The following TMEM232 variants were observed in gnomAD, a reference collection of about 807,000 sequenced individuals.
TMEM232 encodes the protein transmembrane protein 232.
A neutral mutation model predicts 78.8 loss-of-function variants in TMEM232; 80 were observed. The observed-to-expected ratio is 1.01, with a 90% confidence interval of 0.85 to 1.22. TMEM232 has a LOEUF of 1.22. Ranked by LOEUF, TMEM232 falls within the 50% of genes most tolerant of loss-of-function variation. The pLI is 0.00. For missense variants in TMEM232, 881 were observed against 742.2 expected (o/e 1.19, Z -2.17); for synonymous variants, 297 against 254.3 (o/e 1.17, Z -1.60).
intron 12 of TMEM232, among the ~76,000 whole-genome samples, chr5:110,493,448 CTAAAA>C (rs928584260): frequency 4.7e-5 from 7 of 148,112 alleles, no homozygotes; most frequent in Non-Finnish European, 7.4e-5. Flanking sequence ...AAGTAAATAA[CTAAAA>C]TGACATGATA....
intron 12 of TMEM232, among the ~76,000 whole-genome samples, chr5:110,522,216 C>T (rs1046247710): frequency 2.6e-5 from 4 of 151,988 alleles, no homozygotes; most frequent in African/African-American, 9.7e-5. Context: ...ATTTATCTAT[C>T]GTATAGCTCA....
chr5:110,654,634 C>T (rs1788781650), intron 2 of TMEM232, among the ~76,000 whole-genome samples: 1 of 152,128 alleles, frequency 6.6e-6, no homozygotes, highest in East Asian at 1.9e-4. Flanking sequence ...GATGTGGGCT[C>T]TTTTTTGGTT....
rs538083561 is a variant in TMEM232, at chr5:110,445,950, C to T, written c.1704-21034G>A. Reference sequence around the variant, plus strand: ...GGTATCTCATCACTTCTGCCATATTCTATTCATTAGAAATGAATCACTAAG... The same window carrying T: ...GGTATCTCATCACTTCTGCCATATTTTATTCATTAGAAATGAATCACTAAG... On this transcript the variant is annotated intron_variant, in intron 12 of 13. Transcript: ENST00000455884. Among the ~76,000 whole-genome samples, 114 of 152,232 alleles carry T rather than the reference C, an allele frequency of 7.5e-4. 1 individual carries two copies. The highest frequency in any genetic ancestry group is 2.2e-3 in the African/African-American group (93 of 41,552).
intron 12 of TMEM232, among the ~76,000 whole-genome samples, chr5:110,440,070 GC>G (rs1158950822): frequency 6.6e-6 from 1 of 152,094 alleles, no homozygotes; most frequent in African/African-American, 2.4e-5. Flanking sequence ...AACATAATGT[GC>G]CCCCAGGCAG....
chr5:110,680,396 C>CAAAAAAAAAAAAAAAAAAAAAAAAAAA, intron 1 of TMEM232, among the ~76,000 whole-genome samples: 1 of 24,660 alleles, frequency 4.1e-5, no homozygotes, highest in Non-Finnish European at 8.3e-5. Context: ...GACTCTATCT[C>CAAAAAAAAAAAAAAAAAAAAAAAAAAA]AAAAAAAAAA....
At chr5:110,469,644 G>T (rs762226750) in intron 12 of TMEM232, among the ~76,000 whole-genome samples, 1 of 152,114 alleles carries the variant, frequency 6.6e-6, no homozygotes, top group African/African-American at 2.4e-5. Flanking sequence ...CCCTGTTCCC[G>T]TGTCAGCACT....
downstream of TMEM232, among the ~76,000 whole-genome samples, chr5:110,419,375 T>C (rs1756434625): frequency 6.6e-6 from 1 of 152,176 alleles, no homozygotes. Flanking sequence ...TTCTGCCATA[T>C]GTTATTGTTA....
chr5:110,502,040 T>C (rs1182397246), intron 12 of TMEM232, among the ~76,000 whole-genome samples: 1 of 152,136 alleles, frequency 6.6e-6, no homozygotes, highest in African/African-American at 2.4e-5. Flanking sequence ...ATATCTTTTT[T>C]CTAAGTGTTT....
intron 12 of TMEM232, among the ~76,000 whole-genome samples, chr5:110,495,585 T>A (rs112334958): frequency 6.6e-6 from 1 of 151,898 alleles, no homozygotes. Flanking sequence ...CATAAGGCTT[T>A]ACAGATATAA....
At chr5:110,499,776 A>G (rs994586142) in intron 12 of TMEM232, among the ~76,000 whole-genome samples, 1 of 152,192 alleles carries the variant, frequency 6.6e-6, no homozygotes, top group African/African-American at 2.4e-5. Context: ...CAGAACAAAA[A>G]GGTGATAGTC....
At chr5:110,669,562 A>G (rs1351946017) in intron 1 of TMEM232, among the ~76,000 whole-genome samples, 1 of 152,154 alleles carries the variant, frequency 6.6e-6, no homozygotes, top group Non-Finnish European at 1.5e-5. Flanking sequence ...ACAAGGCGGA[A>G]CTAGTACCAT....
intron 2 of TMEM232, among the ~76,000 whole-genome samples, chr5:110,410,897 T>A (rs575656279): frequency 5.7e-4 from 87 of 152,286 alleles, no homozygotes; most frequent in Non-Finnish European, 9.8e-4. Context: ...TTTATGATGA[T>A]GCTGTTCTGC....
chr5:110,534,909 C>T (rs181945602), intron 11 of TMEM232, among the ~76,000 whole-genome samples: 49 of 152,208 alleles, frequency 3.2e-4, no homozygotes, highest in African/African-American at 1.2e-3. Flanking sequence ...AATATTTCTT[C>T]TAACAACCCC....
At chr5:110,499,418 A>G (rs1765976361) in intron 12 of TMEM232, among the ~76,000 whole-genome samples, 1 of 152,016 alleles carries the variant, frequency 6.6e-6, no homozygotes, top group African/African-American at 2.4e-5. Flanking sequence ...TGCCTGGCTA[A>G]TCTTTTAAAA....
chr5:110,735,773 T>C (rs1429645162), intron 1 of TMEM232, among the ~76,000 whole-genome samples: 3 of 152,206 alleles, frequency 2.0e-5, no homozygotes, highest in African/African-American at 7.2e-5. Context: ...AGATGTTCTA[T>C]GAACTTCATG....
At chr5:110,430,199 T>C (rs1371725970) in intron 12 of TMEM232, 6 of 151,740 alleles carry the variant, frequency 4.0e-5, no homozygotes, top group African/African-American at 4.8e-5. Context: ...TAAGTTCATG[T>C]TACTTTTGAT....
intron 11 of TMEM232, among the ~76,000 whole-genome samples, chr5:110,536,260 C>A (rs1390654937): frequency 1.3e-5 from 2 of 152,220 alleles, no homozygotes; most frequent in Non-Finnish European, 2.9e-5. Context: ...CCACCCAGTT[C>A]TAGTAAGGGA....
intron 11 of TMEM232, among the ~76,000 whole-genome samples, chr5:110,544,717 T>C (rs1401916872): frequency 6.6e-6 from 1 of 152,078 alleles, no homozygotes; most frequent in Non-Finnish European, 1.5e-5. Context: ...TTAAATGTTT[T>C]TCAAAATTTA....
chr5:110,390,133 A>C (rs1755127908), intron 4 of TMEM232, among the ~76,000 whole-genome samples: 1 of 152,002 alleles, frequency 6.6e-6, no homozygotes, highest in Non-Finnish European at 1.5e-5. Flanking sequence ...TTTATGTCTA[A>C]ACCACCCTCT....
Sources: allele counts gnomAD v4.1 joint callset (sites outside exome capture counted in the v4.1 genomes callset), GRCh38; gene constraint gnomAD v4.1.1; transcripts MANE v1.5; gene names NCBI Gene and HGNC (gene_info 2026-07-23, HGNC 2026-07-21).